The following ABCA12 variants were observed in gnomAD, a reference collection of about 807,000 sequenced individuals.
The protein encoded by ABCA12 is glucosylceramide transporter ABCA12.
A neutral mutation model predicts 293.5 loss-of-function variants in ABCA12; 156 were observed. The ratio of observed to expected loss-of-function variants is 0.53; its 90% confidence interval spans 0.47 to 0.61. The LOEUF is 0.61. ABCA12 is among the 20% of genes least tolerant of loss of function. ABCA12 has a pLI of 0.00. For synonymous variants in ABCA12, 1,063 were observed against 1,108.0 expected (o/e 0.96, Z 0.81); for missense variants, 2,797 against 3,090.2 (o/e 0.91, Z 2.25).
chr2:214,954,888 G>A (rs1178871626), intron 43 of ABCA12, among the ~76,000 whole-genome samples: 2 of 152,140 alleles, frequency 1.3e-5, no homozygotes, highest in Non-Finnish European at 1.5e-5. Flanking sequence ...CATACCATAA[G>A]AACTTGTTAA....
rs186642222 is a variant in ABCA12, at chr2:215,014,370, C to T, written c.1956+1120G>A. Among the ~76,000 whole-genome samples, 113 of 151,628 alleles carry T rather than the reference C, an allele frequency of 7.5e-4. 1 individual carries two copies. The highest frequency in any genetic ancestry group is 6.8e-3 in the Middle Eastern group (2 of 292). ...TAAGCAAAGTCAAAAAAAAAAATAG[C>T]CTTGCAAATCATGTGAAGGGTTGTC... On this transcript the variant is annotated intron_variant, in intron 15 of 52. Coordinates refer to ENST00000272895, the MANE Select transcript of ABCA12 (RefSeq NM_173076.3).
chr2:215,115,617 A>G (rs1702670378), intron 1 of ABCA12, among the ~76,000 whole-genome samples: 2 of 152,162 alleles, frequency 1.3e-5, no homozygotes, highest in Admixed American at 6.5e-5. Context: ...CTTGGCATCA[A>G]AGGGTATGTG....
At chr2:215,020,266 C>T (rs1207527084) in intron 11 of ABCA12, among the ~76,000 whole-genome samples, 1 of 145,432 alleles carries the variant, frequency 6.9e-6, no homozygotes, top group Non-Finnish European at 1.5e-5. Flanking sequence ...AATTATAACC[C>T]TTGTGCACTG....
intron 17 of ABCA12, 68 bp from the exon 18 acceptor site, chr2:215,010,538 T>A: frequency 6.5e-7 from 1 of 1,539,104 alleles, no homozygotes. Context: ...CATGGCAAAT[T>A]GACAGAGATT....
chr2:214,987,686 A>G lies in ABCA12; in HGVS notation c.3937T>C (p.Phe1313Leu), dbSNP rs1380661286. ...GTGTTCTGCATCATGATGTTAGTAA[A>G]CATGAGGCCATTGCTCTTCTCAGGC... ...VKPEKSNGLM[F>L]TNIMMQNTNP... Residue 1313 changes from phenylalanine to leucine, a missense_variant, in exon 27 of 53, where the codon TTT becomes CTT. Phe to Leu is a conservative substitution (Grantham distance 22). Transcript: ENST00000272895. The G allele has an allele frequency of 1.9e-6, 3 of 1,613,938 alleles. No individual in the cohort carries two copies. Among genetic ancestry groups the G allele is most frequent in the African/African-American group, 2.7e-5 (2 of 74,918 alleles).
rs1402186019 is a variant in ABCA12 at position 214,980,490 on chromosome 2, T to C, written c.4733A>G (p.Lys1578Arg). Residue 1578 changes from lysine (K) to arginine (R), a missense_variant, in exon 31 of 53, where the codon AAG (lysine) becomes AGG (arginine). By Grantham distance (26) the Lys-to-Arg change is conservative. Transcript: ENST00000272895. Reference sequence around the variant, plus strand: ...ATTTTCTCCCATTCCTACCTTCTTCTTGGTAAGCGTGAGGTGATACCCATC... The same window carrying C: ...ATTTTCTCCCATTCCTACCTTCTTCCTGGTAAGCGTGAGGTGATACCCATC... Reference protein sequence around the residue: ...FGDGYHLTLTKKKSPNLNANA... With the variant: ...FGDGYHLTLTRKKSPNLNANA... 1.2e-6 allele frequency: 2 copies of C among 1,613,574 alleles called. No individual in the cohort carries two copies. Among genetic ancestry groups the C allele is most frequent in the African/African-American group, 1.3e-5 (1 of 74,904 alleles).
intron 27 of ABCA12, among the ~76,000 whole-genome samples, chr2:214,987,082 C>G (rs948183129): frequency 6.6e-6 from 1 of 152,088 alleles, no homozygotes; most frequent in Admixed American, 6.5e-5. Context: ...AAAATAAATG[C>G]CTCCAAAGTT....
At chr2:215,037,141 A>G in intron 7 of ABCA12, 76 bp from the exon 8 acceptor site, 1 of 1,093,782 alleles carries the variant, frequency 9.1e-7, no homozygotes, top group South Asian at 1.3e-5. Flanking sequence ...ATTCAAGGAG[A>G]AAATGGCTAC....
rs73074416 is a variant in ABCA12 at position 215,052,696 on chromosome 2, A to T, written c.410-112T>A. 7 of 913,714 alleles carry T rather than the reference A, an allele frequency of 7.7e-6. No homozygotes were observed. The African/African-American group carries it at 9.9e-5, about 13-fold the overall frequency. 56.6% of individuals were successfully genotyped at this position (913,714 alleles called of 1,614,324 possible). On this transcript the variant is annotated intron_variant, in intron 4 of 52. Transcript: ENST00000272895. ...TGACCTCATATACCCTACAGCAAGG[A>T]TGTGCTCAAACATGCCTCTTCCATG...
chr2:214,980,023 T>C (rs1203274866), intron 31 of ABCA12, among the ~76,000 whole-genome samples: 1 of 152,222 alleles, frequency 6.6e-6, no homozygotes, highest in Non-Finnish European at 1.5e-5. Context: ...TGAGGAGTAC[T>C]AATCAGAATG....
At chr2:214,959,896 T>C (rs890411907) in intron 39 of ABCA12, among the ~76,000 whole-genome samples, 4 of 152,156 alleles carry the variant, frequency 2.6e-5, no homozygotes, top group Admixed American at 2.6e-4. Context: ...AAGTGTGTAC[T>C]GTCTGAGCGA....
intron 33 of ABCA12, among the ~76,000 whole-genome samples, chr2:214,977,040 A>T (rs967920616): frequency 6.6e-6 from 1 of 152,256 alleles, no homozygotes; most frequent in Non-Finnish European, 1.5e-5. Flanking sequence ...TGCTTAATTT[A>T]AAATGAATTC....
At chr2:214,952,560 C>A (rs567358905) in intron 44 of ABCA12, among the ~76,000 whole-genome samples, 84 of 152,274 alleles carry the variant, frequency 5.5e-4, no homozygotes, top group Middle Eastern at 3.4e-3. Context: ...GTCCTATAGG[C>A]TTTTATTCTT....
chr2:215,128,843 G>A (rs956574223), intron 1 of ABCA12, among the ~76,000 whole-genome samples: 29 of 152,154 alleles, frequency 1.9e-4, no homozygotes, highest in Non-Finnish European at 4.1e-4. Flanking sequence ...TGGTGAACTA[G>A]TGTGATTTTC....
intron 39 of ABCA12, among the ~76,000 whole-genome samples, chr2:214,963,973 CG>C (rs543192634): frequency 1.4e-3 from 201 of 148,054 alleles, no homozygotes; most frequent in Non-Finnish European, 2.5e-3. Flanking sequence ...TGATGAACAT[CG>C]ATGCAAAAAT....
chr2:214,998,512 T>C (rs1021197294), intron 22 of ABCA12, among the ~76,000 whole-genome samples: 17 of 152,176 alleles, frequency 1.1e-4, no homozygotes, highest in African/African-American at 4.1e-4. Context: ...AAAGTAATGC[T>C]CTGGAAGATG....
chr2:215,074,950 A>G (rs920130135), intron 2 of ABCA12, among the ~76,000 whole-genome samples: 1 of 152,070 alleles, frequency 6.6e-6, no homozygotes, highest in African/African-American at 2.4e-5. Flanking sequence ...TCAAAAAATA[A>G]AAATAAAAAT....
chr2:215,047,262 T>G (rs535594290), intron 6 of ABCA12, among the ~76,000 whole-genome samples: 66 of 152,352 alleles, frequency 4.3e-4, no homozygotes, highest in African/African-American at 1.6e-3. Flanking sequence ...GACTAATGTA[T>G]GCAAACACTC....
At chr2:214,948,538 G>T in intron 47 of ABCA12, 58 bp downstream of exon 47, 1 of 1,578,022 alleles carries the variant, frequency 6.3e-7, no homozygotes, top group Non-Finnish European at 8.7e-7. Flanking sequence ...TGGGGTGGGG[G>T]ATGGAAGTAG....
Sources: gnomAD v4.1 joint callset for allele counts (sites outside exome capture counted in the v4.1 genomes callset) on GRCh38, gnomAD v4.1.1 for gene constraint, MANE v1.5 for transcripts, NCBI Gene and HGNC (gene_info 2026-07-23, HGNC 2026-07-21) for gene names.